SEC23A: variants seen among roughly 807,000 people sequenced by gnomAD.
SEC23A encodes protein transport protein Sec23A.
A neutral mutation model predicts 103.7 loss-of-function variants in SEC23A; 56 were observed. The ratio of observed to expected loss-of-function variants is 0.54; its 90% CI spans 0.44 to 0.67. The LOEUF is 0.67. Among genes scored for constraint, SEC23A ranks in the 30% least tolerant of loss-of-function variants. SEC23A has a pLI of 0.00. For synonymous variants in SEC23A, 281 were observed against 293.0 expected, an observed-to-expected ratio of 0.96 and a Z score of 0.42; for missense variants, 784 against 936.4, an observed-to-expected ratio of 0.84 and a Z score of 2.12.
chr14:39,034,687 TGCTTGAAATGATA>T (rs1239061196), intron 19 of SEC23A, among the ~76,000 whole-genome samples: 5 of 152,230 alleles, frequency 3.3e-5, no homozygotes, highest in African/African-American at 9.6e-5. Context: ...ACAGAGCTCC[TGCTTGAAATGATA>T]AATACCAATG....
chr14:39,049,862 G>C (rs1009560497), intron 14 of SEC23A, among the ~76,000 whole-genome samples: 2 of 151,026 alleles, frequency 1.3e-5, no homozygotes, highest in African/African-American at 2.4e-5. Flanking sequence ...GCGCGATCTC[G>C]GTTCACTGCA....
At chr14:39,045,653 A>C (rs1323863673) in intron 15 of SEC23A, among the ~76,000 whole-genome samples, 1 of 152,104 alleles carries the variant, frequency 6.6e-6, no homozygotes, top group Non-Finnish European at 1.5e-5. Context: ...AGACCAGTCT[A>C]GGCAACATAA....
intron 4 of SEC23A, 115 bp downstream of exon 4, chr14:39,092,426 G>T: frequency 1.4e-6 from 1 of 718,858 alleles, no homozygotes; most frequent in Non-Finnish European, 2.4e-6. Context: ...CCTTTGAAAT[G>T]TTCCATCAAA....
rs1184531454 is a variant in SEC23A at position 39,065,306 on chromosome 14, C to T, written c.1228-313G>A. Reference sequence around the variant, plus strand: ...TATCCTAATCTAAAACCTTAGACACCCTATTCTATTTTTCCTCCCATAGAA... The same window carrying T: ...TATCCTAATCTAAAACCTTAGACACTCTATTCTATTTTTCCTCCCATAGAA... On this transcript the variant is annotated intron_variant, in intron 10 of 19. Coordinates refer to ENST00000307712, the MANE Select transcript of SEC23A (RefSeq NM_006364.4). Among the ~76,000 whole-genome samples the T allele has an allele frequency of 3.9e-5, 6 of 152,156 alleles. No homozygotes were observed. In the South Asian group the frequency reaches 8.3e-4, roughly 21 times the overall value.
Position 39,033,046 on chromosome 14 carries a change from T to A in SEC23A, c.*193A>T, listed in dbSNP as rs1233206229. ...TAACACTGTGGTAAGCAAAATAAAT[T>A]TGTTCTTATTGCTCTCATTATAATT... On this transcript the variant is annotated 3_prime_UTR_variant, in exon 20 of 20. Coordinates refer to ENST00000307712, the MANE Select transcript of SEC23A (RefSeq NM_006364.4). 11 of 589,768 alleles carry A rather than the reference T, an allele frequency of 1.9e-5. No homozygotes were observed. The East Asian group carries it at 3.2e-4, about 17-fold the overall frequency. The allele number at this position is 589,768 out of a possible 1,614,324, so 36.5% of individuals were successfully genotyped here. A position where few individuals can be genotyped will look rare whatever the true frequency, so the allele number is the denominator to read the frequency against.
chr14:39,046,582 G>T (rs1442485048), intron 15 of SEC23A, among the ~76,000 whole-genome samples: 2 of 151,658 alleles, frequency 1.3e-5, no homozygotes, highest in Admixed American at 6.6e-5. Context: ...AATTGTACTG[G>T]GAAGGGTCTA....
intron 6 of SEC23A, among the ~76,000 whole-genome samples, chr14:39,086,321 T>C (rs892421401): frequency 5.9e-5 from 9 of 152,190 alleles, no homozygotes; most frequent in Non-Finnish European, 1.3e-4. Context: ...ATTTTAGTAA[T>C]ACTACCTCTG....
intron 7 of SEC23A, among the ~76,000 whole-genome samples, chr14:39,083,559 C>CTTTTTTT (rs531280423): frequency 2.8e-5 from 1 of 35,260 alleles, no homozygotes; most frequent in African/African-American, 1.1e-4. Context: ...GCAAAATAAA[C>CTTTTTTT]TTTCTTTTTT....
intron 5 of SEC23A, among the ~76,000 whole-genome samples, chr14:39,089,776 G>A (rs1887593050): frequency 6.6e-6 from 1 of 152,202 alleles, no homozygotes; most frequent in Non-Finnish European, 1.5e-5. Context: ...GGCCAACATA[G>A]TGAAACCACG....
chr14:39,072,421 C>T (rs1483376971), intron 9 of SEC23A, among the ~76,000 whole-genome samples: 1 of 152,056 alleles, frequency 6.6e-6, no homozygotes, highest in Non-Finnish European at 1.5e-5. Flanking sequence ...CCAGTAAGCA[C>T]ATAAAAAGAT....
intron 1 of SEC23A, among the ~76,000 whole-genome samples, chr14:39,101,357 C>T (rs1347495510): frequency 6.6e-6 from 1 of 151,674 alleles, no homozygotes; most frequent in East Asian, 2.0e-4. Context: ...CGGTGGCTCA[C>T]ACCTGTAATC....
intron 13 of SEC23A, among the ~76,000 whole-genome samples, chr14:39,055,791 G>A (rs529197770): frequency 1.3e-5 from 2 of 152,186 alleles, no homozygotes; most frequent in East Asian, 3.9e-4. Context: ...TCAAACACAA[G>A]GAAAAGAGAA....
At position 39,063,541 on chromosome 14, in the gene SEC23A, A is replaced by C. The variant is rs906254012; in HGVS notation, c.1309-128T>G. ...GTTTCAAACTAATTCAACAATGTTAAGAGCTTAAAATATTTTAAGACCATA... is the reference window on the plus strand; with the variant it reads ...GTTTCAAACTAATTCAACAATGTTACGAGCTTAAAATATTTTAAGACCATA... On this transcript the variant is annotated intron_variant, in intron 11 of 19. Transcript: ENST00000307712. The C allele has an allele frequency of 6.6e-6, 4 of 609,252 alleles. No homozygotes were observed. The African/African-American group carries it at 7.4e-5, about 11-fold the overall frequency. The allele number at this position is 609,252 out of a possible 1,614,324, so 37.7% of individuals were successfully genotyped here. A position where few individuals can be genotyped will look rare whatever the true frequency, so the allele number is the denominator to read the frequency against.
intron 7 of SEC23A, among the ~76,000 whole-genome samples, chr14:39,078,025 G>T (rs924773556): frequency 6.6e-6 from 1 of 152,136 alleles, no homozygotes; most frequent in Non-Finnish European, 1.5e-5. Flanking sequence ...CAAGGTGGGA[G>T]AATCACTTTA....
At chr14:39,072,227 G>A (rs1488253123) in intron 9 of SEC23A, among the ~76,000 whole-genome samples, 4 of 148,804 alleles carry the variant, frequency 2.7e-5, no homozygotes, top group African/African-American at 7.5e-5. Flanking sequence ...GTGAGACTCT[G>A]TCTCAAAAAA....
At chr14:39,054,360 T>G (rs183992847) in intron 14 of SEC23A, among the ~76,000 whole-genome samples, 1 of 152,232 alleles carries the variant, frequency 6.6e-6, no homozygotes, top group Admixed American at 6.5e-5. Context: ...GTTAAAAATC[T>G]AAGTAAATCA....
intron 10 of SEC23A, 67 bp downstream of exon 10, chr14:39,067,106 G>A (rs1886693972): frequency 3.2e-6 from 5 of 1,575,084 alleles, no homozygotes; most frequent in Non-Finnish European, 3.5e-6. Context: ...TGGCATTTTA[G>A]AATTACACTC....
intron 7 of SEC23A, among the ~76,000 whole-genome samples, chr14:39,084,278 G>C (rs1004381958): frequency 6.6e-6 from 1 of 151,650 alleles, no homozygotes; most frequent in African/African-American, 2.4e-5. Context: ...CACCCACCTC[G>C]GCCTCCCAAA....
Position 39,094,373 on chromosome 14 carries a change from TACACACACAC to T in SEC23A, c.222-1139_222-1130del, listed in dbSNP as rs1160995370. On this transcript the variant is annotated intron_variant, in intron 2 of 19. Coordinates refer to ENST00000307712, the MANE Select transcript of SEC23A (RefSeq NM_006364.4). The stretch of plus-strand genomic sequence containing the variant: ...ATATATACACATATACATATATATA[TACACACACAC>T]ACACACACACACACATATATATATA... Among the ~76,000 whole-genome samples the T allele has an allele frequency of 4.0e-3, 77 of 19,456 alleles. 11 individuals carry two copies. The highest frequency in any genetic ancestry group is 0.013 in the African/African-American group (61 of 4,672). 12.8% of individuals were successfully genotyped at this position (19,456 alleles called of 152,430 possible).
Sources: gnomAD v4.1 joint callset for allele counts (sites outside exome capture counted in the v4.1 genomes callset) on GRCh38, gnomAD v4.1.1 for gene constraint, MANE v1.5 for transcripts, NCBI Gene and HGNC (gene_info 2026-07-23, HGNC 2026-07-21) for gene names.